The following PTPRD variants were observed in gnomAD, a reference collection of about 807,000 sequenced individuals.
PTPRD encodes receptor-type tyrosine-protein phosphatase delta.
In PTPRD, 34 loss-of-function variants were observed where a neutral mutation model predicts 214.5. The ratio of observed to expected loss-of-function variants is 0.16; its 90% CI spans 0.12 to 0.21. The LOEUF (loss-of-function observed/expected upper bound fraction) is 0.21, where lower values mean the gene tolerates loss of function less well. PTPRD is among the 10% of genes least tolerant of loss of function. PTPRD has a pLI of 1.00. For synonymous variants in PTPRD, 1,128 were observed against 845.7 expected (o/e 1.33, Z -5.79); for missense variants, 2,545 against 2,398.7 (o/e 1.06, Z -1.27).
At chr9:10,199,098 A>G (rs557925001) in intron 3 of PTPRD, among the ~76,000 whole-genome samples, 1 of 151,398 alleles carries the variant, frequency 6.6e-6, no homozygotes, top group African/African-American at 2.4e-5. Flanking sequence ...CTTTCATGGT[A>G]TAGAAGAGAG....
intron 11 of PTPRD, among the ~76,000 whole-genome samples, chr9:8,754,687 T>C (rs932672911): frequency 6.6e-6 from 1 of 152,000 alleles, no homozygotes; most frequent in Non-Finnish European, 1.5e-5. Flanking sequence ...TCTCAAAGCA[T>C]GTTTTGAAAA....
intron 2 of PTPRD, among the ~76,000 whole-genome samples, chr9:10,570,426 T>C (rs1484693651): frequency 6.6e-6 from 1 of 152,040 alleles, no homozygotes; most frequent in Admixed American, 6.6e-5. Flanking sequence ...AATTCTAAAA[T>C]AAGGCAACAT....
chr9:8,489,547 G>A (rs1304299264), intron 27 of PTPRD, among the ~76,000 whole-genome samples: 1 of 152,168 alleles, frequency 6.6e-6, no homozygotes, highest in Non-Finnish European at 1.5e-5. Context: ...GCAGCTTGGG[G>A]AAGAACACCC....
Position 9,093,124 on chromosome 9 carries a change from A to G in PTPRD, c.-142-74389T>C, listed in dbSNP as rs10114278. Among the ~76,000 whole-genome samples the G allele has an allele frequency of 4.8e-3, 738 of 152,244 alleles. 12 individuals are homozygous for G. The highest frequency in any genetic ancestry group is 0.017 in the African/African-American group (707 of 41,574). On this transcript the variant is annotated intron_variant, in intron 10 of 45. Transcript: ENST00000381196. ...TAGTGATAAATGGGCTAATCAACCT[A>G]GAACACATAACAATCTTAAATATAT...
intron 10 of PTPRD, among the ~76,000 whole-genome samples, chr9:9,020,279 T>G (rs432567): frequency 0.68 from 103,939 of 152,070 alleles, 35,847 homozygotes; most frequent in Non-Finnish European, 0.71. Flanking sequence ...GAAATGCATG[T>G]ATAAACCATT....
chr9:8,704,140 A>G (rs904291699), intron 12 of PTPRD, among the ~76,000 whole-genome samples: 2 of 152,118 alleles, frequency 1.3e-5, no homozygotes, highest in African/African-American at 4.8e-5. Context: ...CTCTCACCTG[A>G]TCAACCACTC....
chr9:8,834,199 GT>G (rs946478325), intron 11 of PTPRD, among the ~76,000 whole-genome samples: 7 of 151,898 alleles, frequency 4.6e-5, no homozygotes, highest in South Asian at 2.1e-4. Flanking sequence ...GAAAAAGCCT[GT>G]TTTTTTCCAT....
At chr9:8,354,571 C>A (rs1234520076) in intron 39 of PTPRD, among the ~76,000 whole-genome samples, 1 of 152,166 alleles carries the variant, frequency 6.6e-6, no homozygotes, top group Admixed American at 6.5e-5. Context: ...TTTGGAGCAT[C>A]TGGGCCTTTG....
chr9:10,510,217 A>C, intron 2 of PTPRD, among the ~76,000 whole-genome samples: 1 of 152,028 alleles, frequency 6.6e-6, no homozygotes, highest in East Asian at 1.9e-4. Flanking sequence ...CATACCACTC[A>C]GTATGGGTCT....
intron 6 of PTPRD, among the ~76,000 whole-genome samples, chr9:9,742,515 G>T (rs376441263): frequency 6.6e-6 from 1 of 152,040 alleles, no homozygotes; most frequent in Non-Finnish European, 1.5e-5. Context: ...AGGAAGAAAA[G>T]GGTACTATTC....
intron 14 of PTPRD, among the ~76,000 whole-genome samples, chr9:8,594,865 T>A (rs139733539): frequency 0.15 from 21,737 of 145,492 alleles, 1,567 homozygotes; most frequent in Middle Eastern, 0.26. Context: ...AACCCCTTTT[T>A]TTTTTTTTTT....
chr9:9,180,341 G>GC (rs2099927478), intron 10 of PTPRD, among the ~76,000 whole-genome samples: 1 of 150,570 alleles, frequency 6.6e-6, no homozygotes, highest in South Asian at 2.1e-4. Flanking sequence ...GCAAACTATC[G>GC]CAAGGACAAA....
chr9:9,457,237 A>C (rs1198857088), intron 8 of PTPRD, among the ~76,000 whole-genome samples: 8 of 151,978 alleles, frequency 5.3e-5, no homozygotes, highest in African/African-American at 1.9e-4. Context: ...GATGATAAAA[A>C]TAGATTAATA....
intron 11 of PTPRD, among the ~76,000 whole-genome samples, chr9:8,795,722 T>G (rs979604448): frequency 6.6e-6 from 1 of 152,148 alleles, no homozygotes; most frequent in Non-Finnish European, 1.5e-5. Flanking sequence ...AGTTAGAAAA[T>G]TATTACAAAG....
At chr9:10,278,064 G>A (rs1352514930) in intron 3 of PTPRD, among the ~76,000 whole-genome samples, 1 of 152,102 alleles carries the variant, frequency 6.6e-6, no homozygotes, top group Non-Finnish European at 1.5e-5. Context: ...GGAGGCTGAG[G>A]CAGGAGAATG....
At chr9:9,403,301 A>AAAAAAAAAAG (rs201755435) in intron 8 of PTPRD, among the ~76,000 whole-genome samples, 82 of 150,122 alleles carry the variant, frequency 5.5e-4, no homozygotes, top group African/African-American at 1.7e-3. Context: ...AAAAAAAAAA[A>AAAAAAAAAAG]AAAAAAAAAA....
intron 14 of PTPRD, among the ~76,000 whole-genome samples, chr9:8,568,833 G>C (rs573754611): frequency 2.0e-5 from 3 of 151,892 alleles, no homozygotes; most frequent in South Asian, 2.1e-4. Flanking sequence ...ATAAGTGTTG[G>C]TCTTCTAAGT....
intron 11 of PTPRD, among the ~76,000 whole-genome samples, chr9:8,866,646 C>T (rs190348597): frequency 6.6e-6 from 1 of 152,190 alleles, no homozygotes; most frequent in South Asian, 2.1e-4. Context: ...ATCTTTACCT[C>T]TTTTCTACCA....
At chr9:9,097,148 T>A (rs773217897) in intron 10 of PTPRD, among the ~76,000 whole-genome samples, 1 of 152,146 alleles carries the variant, frequency 6.6e-6, no homozygotes, top group Non-Finnish European at 1.5e-5. Context: ...CAGGGGCTGA[T>A]TCCTAGGCAT....
Sources: allele counts gnomAD v4.1 joint callset (sites outside exome capture counted in the v4.1 genomes callset), GRCh38; gene constraint gnomAD v4.1.1; transcripts MANE v1.5; gene names NCBI Gene and HGNC (gene_info 2026-07-23, HGNC 2026-07-21).